EPHA6: variants seen among roughly 807,000 people sequenced by gnomAD.
The protein encoded by EPHA6 is EPH receptor A6, also known as ephrin type-A receptor 6.
A neutral mutation model predicts 112.0 loss-of-function variants in EPHA6; 50 were observed. That is an observed-to-expected ratio of 0.45 (90% confidence interval 0.36 to 0.56). The LOEUF is 0.56. Among genes scored for constraint, EPHA6 ranks in the 20% least tolerant of loss-of-function variants. The probability of loss-of-function intolerance (pLI) is 0.00; values close to 1 mark genes in which losing one functional copy is unlikely to be tolerated. For synonymous variants in EPHA6, 529 were observed against 490.7 expected, an observed-to-expected ratio of 1.08 and a Z score of -1.03; for missense variants, 1,280 against 1,417.4, an observed-to-expected ratio of 0.90 and a Z score of 1.56.
intron 13 of EPHA6, among the ~76,000 whole-genome samples, chr3:97,622,091 A>C (rs961331323): frequency 2.6e-5 from 4 of 151,810 alleles, no homozygotes; most frequent in Admixed American, 2.0e-4. Context: ...CATCTTAACC[A>C]TTTTTAAGTG....
chr3:97,520,395 G>A (rs566203127), intron 10 of EPHA6, among the ~76,000 whole-genome samples: 7 of 152,218 alleles, frequency 4.6e-5, no homozygotes, highest in South Asian at 2.1e-4. Context: ...TCTAGGGCCC[G>A]TGTAATAGTA....
chr3:97,465,395 A>G (rs1352413221), intron 7 of EPHA6, among the ~76,000 whole-genome samples: 2 of 152,098 alleles, frequency 1.3e-5, no homozygotes, highest in Non-Finnish European at 2.9e-5. Context: ...GAGACCTCAC[A>G]CACATGGCTT....
intron 3 of EPHA6, among the ~76,000 whole-genome samples, chr3:97,046,959 A>G (rs1167578734): frequency 6.6e-6 from 1 of 152,136 alleles, no homozygotes; most frequent in African/African-American, 2.4e-5. Context: ...TCAGTTTAAA[A>G]TTTTTATTGA....
At chr3:97,076,151 TGAG>T (rs1181858240) in intron 3 of EPHA6, among the ~76,000 whole-genome samples, 1 of 152,114 alleles carries the variant, frequency 6.6e-6, no homozygotes, top group East Asian at 1.9e-4. Flanking sequence ...TTAGGCTTAA[TGAG>T]GAAGGCATGT....
intron 1 of EPHA6, among the ~76,000 whole-genome samples, chr3:96,851,715 T>G (rs888575974): frequency 2.6e-5 from 4 of 152,028 alleles, no homozygotes; most frequent in African/African-American, 9.7e-5. Flanking sequence ...GGTGAGTAGG[T>G]AGTCACTGAG....
chr3:97,187,358 T>C (rs1188037774), intron 3 of EPHA6, among the ~76,000 whole-genome samples: 1 of 151,884 alleles, frequency 6.6e-6, no homozygotes, highest in African/African-American at 2.4e-5. Context: ...TCACTTGACA[T>C]CAGGAGTTCA....
intron 3 of EPHA6, among the ~76,000 whole-genome samples, chr3:97,120,222 C>T (rs569754059): frequency 6.6e-6 from 1 of 151,882 alleles, no homozygotes; most frequent in South Asian, 2.1e-4. Context: ...AAAATTAGTA[C>T]CTTGGTGATG....
At chr3:97,371,754 T>A (rs2085068611) in intron 5 of EPHA6, among the ~76,000 whole-genome samples, 1 of 152,144 alleles carries the variant, frequency 6.6e-6, no homozygotes, top group African/African-American at 2.4e-5. Flanking sequence ...TATTGCTGAA[T>A]TCTTTTTCTC....
chr3:96,994,832 A>G lies in EPHA6; in HGVS notation c.1114+6839A>G, dbSNP rs2043361555. ...TATATAGAGAGAGAGAGAGAGAGCTATATATACCTACAGGCTTAAAGAAGG... is the reference window on the plus strand; with the variant it reads ...TATATAGAGAGAGAGAGAGAGAGCTGTATATACCTACAGGCTTAAAGAAGG... On this transcript the variant is annotated intron_variant, in intron 3 of 17. Transcript: ENST00000389672. 4.0e-5 allele frequency among the ~76,000 whole-genome samples: 6 copies of G among 150,616 alleles called. No homozygotes were observed. In the South Asian group the frequency reaches 1.3e-3, roughly 32 times the overall value.
chr3:97,532,395 A>G lies in EPHA6; in HGVS notation c.2238A>G (p.Thr746=), dbSNP rs1306880316. The change falls in exon 11 of 18, where the codon ACA becomes ACG. Residue 746 remains threonine (T), a synonymous_variant. Transcript: ENST00000389672. ...FGEVCSGRLK[T]PGKREIPVAI... The stretch of plus-strand genomic sequence containing the variant: ...AAGTCTGTAGTGGGCGTTTGAAGAC[A>G]CCAGGGAAAAGAGAGATCCCAGTTG... 1 of 1,612,476 alleles carries G rather than the reference A, an allele frequency of 6.2e-7. No homozygotes were observed. The highest frequency in any genetic ancestry group is 1.1e-5 in the South Asian group (1 of 90,990).
At chr3:97,516,050 T>C (rs1244396901) in intron 10 of EPHA6, among the ~76,000 whole-genome samples, 1 of 152,108 alleles carries the variant, frequency 6.6e-6, no homozygotes, top group East Asian at 1.9e-4. Flanking sequence ...ATTTAACATG[T>C]TCTCTATGGT....
intron 1 of EPHA6, among the ~76,000 whole-genome samples, chr3:96,840,111 A>G (rs910464168): frequency 1.3e-5 from 2 of 152,116 alleles, no homozygotes; most frequent in African/African-American, 4.8e-5. Context: ...CACTTAGCTC[A>G]CAACTCACTG....
At chr3:97,329,080 C>G (rs1010722962) in intron 5 of EPHA6, among the ~76,000 whole-genome samples, 4 of 151,946 alleles carry the variant, frequency 2.6e-5, no homozygotes, top group African/African-American at 9.7e-5. Context: ...GGTTTTTTGT[C>G]CTTGCGATAG....
intron 3 of EPHA6, among the ~76,000 whole-genome samples, chr3:97,115,555 T>C (rs1187864345): frequency 6.6e-6 from 1 of 151,798 alleles, no homozygotes; most frequent in African/African-American, 2.4e-5. Context: ...GTTGGAAATT[T>C]GTATCTGTAA....
intron 6 of EPHA6, among the ~76,000 whole-genome samples, chr3:97,439,373 T>A (rs530884980): frequency 6.6e-6 from 1 of 152,326 alleles, no homozygotes; most frequent in East Asian, 1.9e-4. Flanking sequence ...ATACATATTT[T>A]GCAATTTTGC....
chr3:96,941,629 C>T (rs1033317209), intron 2 of EPHA6, among the ~76,000 whole-genome samples: 2 of 152,210 alleles, frequency 1.3e-5, no homozygotes, highest in African/African-American at 4.8e-5. Flanking sequence ...AGCTTTGTTC[C>T]ATTGCTGGTG....
intron 3 of EPHA6, among the ~76,000 whole-genome samples, chr3:97,166,846 A>G (rs1157339990): frequency 6.6e-6 from 1 of 152,128 alleles, no homozygotes; most frequent in Non-Finnish European, 1.5e-5. Flanking sequence ...CCTATTATCA[A>G]TTTCTGTTCA....
chr3:97,451,352 T>C (rs946504206), intron 7 of EPHA6, among the ~76,000 whole-genome samples: 4 of 151,884 alleles, frequency 2.6e-5, no homozygotes, highest in Non-Finnish European at 5.9e-5. Flanking sequence ...TACCTAGTGA[T>C]TGGGGGTGCA....
At chr3:97,379,080 G>C (rs80187241) in intron 5 of EPHA6, among the ~76,000 whole-genome samples, 1 of 152,244 alleles carries the variant, frequency 6.6e-6, no homozygotes, top group East Asian at 1.9e-4. Flanking sequence ...GCCACATATT[G>C]TGGAGGGACC....
Sources: gnomAD v4.1 joint callset for allele counts (sites outside exome capture counted in the v4.1 genomes callset) on GRCh38, gnomAD v4.1.1 for gene constraint, MANE v1.5 for transcripts, NCBI Gene and HGNC (gene_info 2026-07-23, HGNC 2026-07-21) for gene names.